Variants in PDZD2 observed in about 807,000 individuals in gnomAD.
PDZD2 encodes PDZ domain-containing protein 2.
A neutral mutation model predicts 220.7 loss-of-function variants in PDZD2; 90 were observed. The observed-to-expected ratio is 0.41, with a 90% CI of 0.34 to 0.49. PDZD2 has a LOEUF of 0.49. PDZD2 is among the 20% of genes least tolerant of loss of function. The probability of loss-of-function intolerance (pLI) is 0.28; values close to 1 mark genes in which losing one functional copy is unlikely to be tolerated. For synonymous variants in PDZD2, 1,375 were observed against 1,450.5 expected, an observed-to-expected ratio of 0.95 and a Z score of 1.18; for missense variants, 3,174 against 3,608.5, an observed-to-expected ratio of 0.88 and a Z score of 3.08.
chr5:32,059,252 A>G lies in PDZD2; in HGVS notation c.2214A>G (p.Gly738=), dbSNP rs748160482. 4.4e-6 allele frequency: 7 copies of G among 1,604,782 alleles called. No individual in the cohort carries two copies. In the Admixed American group the frequency reaches 5.0e-5, roughly 11 times the overall value. ...EVTLNKEPRV[G]LGIGACCLAL... ...TGCCTCTCACAGAGCCAAGAGTTGG[A>G]TTAGGCATTGGTGCCTGCTGCTTGG... The change falls in exon 13 of 25, where the codon GGA becomes GGG. Residue 738 remains glycine, a synonymous_variant. Transcript: ENST00000438447.
At chr5:32,004,186 C>T (rs1752630775) in intron 5 of PDZD2, among the ~76,000 whole-genome samples, 1 of 152,116 alleles carries the variant, frequency 6.6e-6, no homozygotes, top group South Asian at 2.1e-4. Flanking sequence ...GATGCCTGCT[C>T]CCTGTGAGAC....
intron 2 of PDZD2, among the ~76,000 whole-genome samples, chr5:31,957,865 ACTG>A (rs1225547526): frequency 6.6e-6 from 1 of 152,240 alleles, no homozygotes; most frequent in Non-Finnish European, 1.5e-5. Flanking sequence ...GTCCAATGTA[ACTG>A]CTGTTTGTTG....
intron 6 of PDZD2, among the ~76,000 whole-genome samples, chr5:32,028,872 G>A (rs199546306): frequency 6.6e-6 from 1 of 151,826 alleles, no homozygotes; most frequent in Non-Finnish European, 1.5e-5. Flanking sequence ...TAGTAGAGAC[G>A]GGGTTTCACC....
At chr5:31,787,000 G>A (rs74661322) in intron 1 of PDZD2, among the ~76,000 whole-genome samples, 3,414 of 152,288 alleles carry the variant, frequency 0.022, 113 homozygotes, top group African/African-American at 0.077. Flanking sequence ...TCACTCTGGT[G>A]TAATTAAAGA....
intron 2 of PDZD2, among the ~76,000 whole-genome samples, chr5:31,920,778 T>C (rs1026838711): frequency 3.9e-5 from 6 of 152,164 alleles, no homozygotes; most frequent in African/African-American, 1.2e-4. Flanking sequence ...CATTTTTCCC[T>C]TTTTCCCTCC....
At chr5:31,732,747 G>A (rs1243447839) in intron 1 of PDZD2, among the ~76,000 whole-genome samples, 1 of 152,032 alleles carries the variant, frequency 6.6e-6, no homozygotes, top group East Asian at 1.9e-4. Flanking sequence ...TTTACTTTTT[G>A]AGACAGAGCC....
intron 13 of PDZD2, among the ~76,000 whole-genome samples, chr5:32,060,306 C>G (rs1739545207): frequency 6.6e-6 from 1 of 152,148 alleles, no homozygotes; most frequent in Non-Finnish European, 1.5e-5. Flanking sequence ...TGTCTGGAGC[C>G]TGCCAAATGA....
intron 2 of PDZD2, among the ~76,000 whole-genome samples, chr5:31,850,239 TATATAC>T (rs1387587558): frequency 8.5e-6 from 1 of 117,764 alleles, no homozygotes; most frequent in African/African-American, 3.2e-5. Context: ...TATATATATA[TATATAC>T]ACACACACAC....
At chr5:31,702,910 G>C (rs1580589012) in intron 1 of PDZD2, among the ~76,000 whole-genome samples, 1 of 152,338 alleles carries the variant, frequency 6.6e-6, no homozygotes, top group East Asian at 1.9e-4. Context: ...CTGCTGGCTG[G>C]GGGAATCAGG....
At chr5:31,888,148 CTTTTT>C in intron 2 of PDZD2, among the ~76,000 whole-genome samples, 1 of 151,978 alleles carries the variant, frequency 6.6e-6, no homozygotes, top group Middle Eastern at 3.4e-3. Context: ...TTTTCTTTTT[CTTTTT>C]TATTTTCTCT....
chr5:32,074,680 G>A, intron 18 of PDZD2, 37 bp downstream of exon 18: 12 of 1,372,284 alleles, frequency 8.7e-6, no homozygotes, highest in African/African-American at 1.4e-5. Flanking sequence ...GAATGGAAGT[G>A]CATGAATATG....
chr5:31,709,665 A>G (rs1291955169), intron 1 of PDZD2, among the ~76,000 whole-genome samples: 2 of 152,126 alleles, frequency 1.3e-5, no homozygotes, highest in African/African-American at 4.8e-5. Context: ...AAGGCCATTA[A>G]GTCATGTCGG....
chr5:31,835,721 T>C (rs192148597), intron 2 of PDZD2, among the ~76,000 whole-genome samples: 28 of 152,328 alleles, frequency 1.8e-4, no homozygotes, highest in African/African-American at 6.0e-4. Flanking sequence ...CTTCTCAGTC[T>C]TGATTTCTAG....
intron 3 of PDZD2, among the ~76,000 whole-genome samples, chr5:31,989,260 C>T (rs1437367560): frequency 2.0e-5 from 3 of 152,150 alleles, no homozygotes; most frequent in African/African-American, 7.2e-5. Context: ...CATTGTTCAC[C>T]TCCCACTTAT....
chr5:31,981,804 G>A (rs963656998), intron 2 of PDZD2, among the ~76,000 whole-genome samples: 1 of 152,174 alleles, frequency 6.6e-6, no homozygotes, highest in African/African-American at 2.4e-5. Context: ...TAGCATGAGT[G>A]GAGGGTCCAG....
chr5:32,002,894 A>AACACACACATC (rs56169899), intron 5 of PDZD2, among the ~76,000 whole-genome samples: 2 of 93,664 alleles, frequency 2.1e-5, no homozygotes, highest in African/African-American at 9.2e-5. Flanking sequence ...CACACACACC[A>AACACACACATC]ACACACACCC....
intron 8 of PDZD2, among the ~76,000 whole-genome samples, chr5:32,049,281 C>T (rs1052780417): frequency 5.3e-5 from 8 of 152,318 alleles, no homozygotes; most frequent in Admixed American, 2.6e-4. Context: ...TGGTAGAAAC[C>T]GGTCAGGTGG....
In PDZD2 at chr5:31,910,429, CAG is replaced by C. The variant is rs1281822139; in HGVS notation, c.477-72723_477-72722del. ...TCCTTTCTTTTTTTTTTTTTTGAGA[CAG>C]AGTCTCACTCTGTCAACTGGGCTGG... is the stretch of plus-strand genomic sequence containing the variant. On this transcript the variant is annotated intron_variant, in intron 2 of 24. Coordinates refer to ENST00000438447, the MANE Select transcript of PDZD2 (RefSeq NM_178140.4). Among the ~76,000 whole-genome samples, 8 of 129,534 alleles carry C rather than the reference CAG, an allele frequency of 6.2e-5. No individual in the cohort carries two copies. In the South Asian group the frequency reaches 9.4e-4, roughly 15 times the overall value. 85.0% of individuals were successfully genotyped at this position (129,534 alleles called of 152,430 possible).
chr5:31,718,214 A>G (rs963716840), intron 1 of PDZD2, among the ~76,000 whole-genome samples: 1 of 152,176 alleles, frequency 6.6e-6, no homozygotes, highest in Admixed American at 6.5e-5. Flanking sequence ...CTGCTGATTT[A>G]TGGAGGACAA....
Sources: allele counts gnomAD v4.1 joint callset (sites outside exome capture counted in the v4.1 genomes callset), GRCh38; gene constraint gnomAD v4.1.1; transcripts MANE v1.5; gene names NCBI Gene and HGNC (gene_info 2026-07-23, HGNC 2026-07-21).